PDS5A: variants seen among roughly 807,000 people sequenced by gnomAD.
PDS5A encodes PDS5 cohesin associated factor A.
PDS5A carries 42 observed loss-of-function variants against 167.1 expected under a neutral mutation model. The ratio of observed to expected loss-of-function variants is 0.25; its 90% CI spans 0.20 to 0.33. The LOEUF is 0.33. Ranked by LOEUF, PDS5A falls within the 10% of genes least tolerant of loss-of-function variation. PDS5A has a pLI of 1.00. For synonymous variants in PDS5A, 553 were observed against 554.6 expected (o/e 1.00, Z 0.04); for missense variants, 1,033 against 1,605.9 (o/e 0.64, Z 6.10).
intron 11 of PDS5A, among the ~76,000 whole-genome samples, chr4:39,907,458 A>G (rs1473043173): frequency 2.6e-5 from 4 of 152,234 alleles, no homozygotes; most frequent in Admixed American, 6.5e-5. Flanking sequence ...CAAGGTAATC[A>G]TGAAACATGC....
intron 32 of PDS5A, among the ~76,000 whole-genome samples, chr4:39,834,712 T>C (rs889977842): frequency 4.6e-5 from 7 of 152,198 alleles, no homozygotes; most frequent in Admixed American, 2.0e-4. Flanking sequence ...TTGATGGAGC[T>C]TATGTTGAGA....
chr4:39,850,991 A>C (rs1299596073), intron 26 of PDS5A, among the ~76,000 whole-genome samples: 1 of 152,226 alleles, frequency 6.6e-6, no homozygotes, highest in Non-Finnish European at 1.5e-5. Context: ...AATTGTTTTA[A>C]GAGACTACTG....
chr4:39,862,160 T>C (rs1381643211), intron 26 of PDS5A, 59 bp downstream of exon 26: 5 of 601,514 alleles, frequency 8.3e-6, no homozygotes, highest in Non-Finnish European at 1.1e-5. Flanking sequence ...ACAAAAAATT[T>C]ACCATTTTTT....
chr4:39,860,970 G>A (rs1718935313), intron 26 of PDS5A, among the ~76,000 whole-genome samples: 1 of 151,708 alleles, frequency 6.6e-6, no homozygotes, highest in Non-Finnish European at 1.5e-5. Flanking sequence ...GGAAGATGAG[G>A]TAGGAGATTG....
intron 2 of PDS5A, chr4:39,973,078 T>C: frequency 2.8e-6 from 2 of 720,030 alleles, no homozygotes; most frequent in South Asian, 3.1e-5. Context: ...GATGTTTAGA[T>C]ATTTTTCTTT....
chr4:39,971,618 C>A (rs1054976762), intron 2 of PDS5A, among the ~76,000 whole-genome samples: 11 of 151,960 alleles, frequency 7.2e-5, no homozygotes, highest in Non-Finnish European at 1.5e-4. Flanking sequence ...TGCCACCACA[C>A]CTGGCTAATT....
rs751901010 is a variant in PDS5A at position 39,842,909 on chromosome 4, T to TTTTATATA, written c.3549-854_3549-853insTATATAAA. Among the ~76,000 whole-genome samples the TTTTATATA allele has an allele frequency of 2.7e-4, 25 of 92,312 alleles. 1 individual carries two copies. Among genetic ancestry groups the TTTTATATA allele is most frequent in the East Asian group, 7.7e-4 (2 of 2,592 alleles). The allele number at this position is 92,312 out of a possible 152,430, so 60.6% of individuals were successfully genotyped here. ...AGAACAATGTAAACTTATCCTATTT[T>TTTTATATA]TATATATATATATATATATATATAT... On this transcript the variant is annotated intron_variant, in intron 30 of 32. Transcript: ENST00000303538.
chr4:39,928,935 G>A (rs1725711603), intron 2 of PDS5A, among the ~76,000 whole-genome samples: 1 of 151,236 alleles, frequency 6.6e-6, no homozygotes, highest in South Asian at 2.1e-4. Context: ...TGCACACTTT[G>A]GAATCATTAT....
chr4:39,875,849 CTGT>C (rs1284367538), intron 19 of PDS5A, among the ~76,000 whole-genome samples: 1 of 152,076 alleles, frequency 6.6e-6, no homozygotes, highest in Non-Finnish European at 1.5e-5. Context: ...TTCAATCAAA[CTGT>C]TGTTAAATGT....
intron 25 of PDS5A, 64 bp from the exon 26 acceptor site, chr4:39,862,397 A>T: frequency 1.5e-6 from 1 of 654,992 alleles, no homozygotes; most frequent in South Asian, 2.4e-5. Context: ...AGTTCTAACC[A>T]CTTAAGTTTT....
intron 17 of PDS5A, among the ~76,000 whole-genome samples, chr4:39,885,158 G>C (rs1360773806): frequency 2.0e-5 from 3 of 150,002 alleles, no homozygotes; most frequent in Admixed American, 1.3e-4. Flanking sequence ...AGCTACTCGG[G>C]AGGCCGAACC....
At chr4:39,831,875 C>CAAAAAAAAAAAAAAAA (rs58913167) in intron 32 of PDS5A, among the ~76,000 whole-genome samples, 9 of 25,936 alleles carry the variant, frequency 3.5e-4, no homozygotes, top group Non-Finnish European at 4.0e-4. Context: ...AAACTCGTCT[C>CAAAAAAAAAAAAAAAA]AAAAAAAAAA....
chr4:39,958,321 A>G (rs1578827307), intron 2 of PDS5A, among the ~76,000 whole-genome samples: 1 of 152,090 alleles, frequency 6.6e-6, no homozygotes, highest in South Asian at 2.1e-4. Context: ...AGCCTGGCCA[A>G]CATGGTGAAA....
rs1722971827 is a variant in PDS5A at position 39,902,554 on chromosome 4, G to A, written c.1386-94C>T. On this transcript the variant is annotated intron_variant, in intron 12 of 32. Coordinates refer to ENST00000303538, the MANE Select transcript of PDS5A (RefSeq NM_001100399.2). ...TTTTTTTTTTTGGAGACAGGGTCTT[G>A]CTCTGTCACCCAGGCTGGAGTACAG... 5.0e-6 allele frequency: 3 copies of A among 598,248 alleles called. No homozygotes were observed. The Middle Eastern group carries it at 1.3e-3, about 260-fold the overall frequency. The allele number at this position is 598,248 out of a possible 1,614,324, so 37.1% of individuals were successfully genotyped here. A position where few individuals can be genotyped will look rare whatever the true frequency, so the allele number is the denominator to read the frequency against.
intron 22 of PDS5A, among the ~76,000 whole-genome samples, chr4:39,867,414 C>T (rs576631993): frequency 2.6e-5 from 4 of 151,900 alleles, no homozygotes; most frequent in East Asian, 1.9e-4. Flanking sequence ...CTATACAGGC[C>T]GGGGGTGGTG....
intron 28 of PDS5A, chr4:39,847,170 G>C (rs2109509560): frequency 6.6e-6 from 1 of 152,252 alleles, no homozygotes; most frequent in African/African-American, 2.4e-5. Flanking sequence ...TGTTATCTAT[G>C]AGTCCAGATA....
chr4:39,842,903 C>CCATATATATATA (rs1717157392), intron 30 of PDS5A, among the ~76,000 whole-genome samples: 2 of 23,994 alleles, frequency 8.3e-5, no homozygotes, highest in East Asian at 1.1e-3. Context: ...TAAACTTATC[C>CCATATATATATA]TATTTTTATA....
intron 2 of PDS5A, among the ~76,000 whole-genome samples, chr4:39,948,842 C>T (rs1202918199): frequency 6.6e-6 from 1 of 151,974 alleles, no homozygotes; most frequent in African/African-American, 2.4e-5. Flanking sequence ...CCAGGCTGGT[C>T]TTGAATTCTT....
intron 25 of PDS5A, 41 bp downstream of exon 25, chr4:39,862,828 G>T: frequency 1.5e-6 from 2 of 1,303,278 alleles, no homozygotes; most frequent in South Asian, 1.2e-5. Context: ...TGGATACATT[G>T]ACAAAATATA....
Sources: allele counts gnomAD v4.1 joint callset (sites outside exome capture counted in the v4.1 genomes callset), GRCh38; gene constraint gnomAD v4.1.1; transcripts MANE v1.5; gene names NCBI Gene and HGNC (gene_info 2026-07-23, HGNC 2026-07-21).